PSMA1: variants seen among roughly 807,000 people sequenced by gnomAD.
The protein encoded by PSMA1 is proteasome subunit alpha type-1.
In PSMA1, 3 loss-of-function variants were observed where a neutral mutation model predicts 38.4. That is an observed-to-expected ratio of 0.08 (90% confidence interval 0.04 to 0.20). The LOEUF (loss-of-function observed/expected upper bound fraction) is 0.20. PSMA1 is among the 10% of genes least tolerant of loss of function. PSMA1 has a pLI of 1.00. For synonymous variants in PSMA1, 101 were observed against 107.1 expected (o/e 0.94, Z 0.35); for missense variants, 227 against 325.3 (o/e 0.70, Z 2.32).
chr11:14,580,027 CAAATCCA>C (rs1207892156), intron 2 of PSMA1, among the ~76,000 whole-genome samples: 5 of 152,142 alleles, frequency 3.3e-5, no homozygotes, highest in African/African-American at 4.8e-5. Context: ...TGAAGAACCT[CAAATCCA>C]AAGAGCAGGG....
At chr11:14,557,807 G>A (rs993117057) in intron 2 of PSMA1, among the ~76,000 whole-genome samples, 2 of 152,126 alleles carry the variant, frequency 1.3e-5, no homozygotes, top group African/African-American at 4.8e-5. Flanking sequence ...AGTATGTTGG[G>A]AAGAAGATCT....
chr11:14,585,212 GC>G (rs1820036149), intron 2 of PSMA1, among the ~76,000 whole-genome samples: 1 of 151,892 alleles, frequency 6.6e-6, no homozygotes, highest in Non-Finnish European at 1.5e-5. Context: ...TTCCTTTTCT[GC>G]TGACCCAGGA....
At chr11:14,592,297 C>T (rs1012142639) in intron 2 of PSMA1, among the ~76,000 whole-genome samples, 4 of 152,096 alleles carry the variant, frequency 2.6e-5, no homozygotes, top group African/African-American at 9.7e-5. Flanking sequence ...CTCGCTCCTC[C>T]TCGTCCCTTC....
intron 2 of PSMA1, among the ~76,000 whole-genome samples, chr11:14,536,257 T>C (rs1390401873): frequency 6.6e-6 from 1 of 152,172 alleles, no homozygotes. Flanking sequence ...CCGCGCGAGG[T>C]GGCTCACGCC....
chr11:14,636,925 G>C (rs1392248339), intron 1 of PSMA1, among the ~76,000 whole-genome samples: 2 of 152,090 alleles, frequency 1.3e-5, no homozygotes, highest in African/African-American at 4.8e-5. Context: ...CAATTATAAT[G>C]GTTTCTTAAA....
At chr11:14,611,198 C>T in intron 1 of PSMA1, 3 of 508,708 alleles carry the variant, frequency 5.9e-6, no homozygotes, top group Non-Finnish European at 1.0e-5. Context: ...TATATTAGAT[C>T]TTCATCAGAC....
chr11:14,643,259 G>T (rs1302783752), intron 1 of PSMA1, among the ~76,000 whole-genome samples: 1 of 151,922 alleles, frequency 6.6e-6, no homozygotes, highest in African/African-American at 2.4e-5. Flanking sequence ...CCATGGCCTT[G>T]GTGGTGGCTG....
intron 1 of PSMA1, among the ~76,000 whole-genome samples, chr11:14,632,535 C>T (rs1427050837): frequency 6.7e-5 from 10 of 149,670 alleles, no homozygotes; most frequent in African/African-American, 1.5e-4. Context: ...CCGAGAGATC[C>T]GCTGTTAGTC....
intron 1 of PSMA1, among the ~76,000 whole-genome samples, chr11:14,625,928 A>C (rs1000546350): frequency 4.6e-5 from 7 of 152,206 alleles, no homozygotes; most frequent in African/African-American, 1.7e-4. Context: ...TAACGATAAA[A>C]TGGTAGGGTA....
At chr11:14,632,576 C>T (rs1325369358) in intron 1 of PSMA1, among the ~76,000 whole-genome samples, 1 of 151,398 alleles carries the variant, frequency 6.6e-6, no homozygotes, top group Non-Finnish European at 1.5e-5. Flanking sequence ...GTAACCCGAC[C>T]TTTCTCTTTG....
At chr11:14,510,701 A>T (rs1851328739) in intron 8 of PSMA1, among the ~76,000 whole-genome samples, 171 bp downstream of exon 8, 2 of 152,246 alleles carry the variant, frequency 1.3e-5, no homozygotes, top group Non-Finnish European at 2.9e-5. Context: ...ACCAAAAAGA[A>T]ATGTTTAAAA....
At chr11:14,513,513 CTA>C in intron 7 of PSMA1, 55 bp downstream of exon 7, 1 of 1,307,996 alleles carries the variant, frequency 7.6e-7, no homozygotes, top group Non-Finnish European at 9.8e-7. Context: ...TGTTTATTTA[CTA>C]TATAGACTGG....
intron 2 of PSMA1, among the ~76,000 whole-genome samples, chr11:14,531,008 T>G (rs570764390): frequency 6.6e-6 from 1 of 152,276 alleles, no homozygotes; most frequent in African/African-American, 2.4e-5. Context: ...TAAAACTCTA[T>G]GTTTCTAGTA....
intron 1 of PSMA1, among the ~76,000 whole-genome samples, chr11:14,619,773 T>G (rs1287290988): frequency 1.3e-5 from 2 of 152,186 alleles, no homozygotes; most frequent in Non-Finnish European, 2.9e-5. Flanking sequence ...ACTGGATTAC[T>G]CAGACCTTGT....
At chr11:14,521,467 G>A (rs1248945909), upstream of PSMA1, among the ~76,000 whole-genome samples, 1 of 148,796 alleles carries the variant, frequency 6.7e-6, no homozygotes, top group African/African-American at 2.5e-5. Flanking sequence ...ACTCCAGCCC[G>A]CCTGGGCAAT....
intron 8 of PSMA1, 21 bp from the exon 9 acceptor site, chr11:14,507,787 A>G (rs1411904945): frequency 2.1e-6 from 3 of 1,436,544 alleles, no homozygotes; most frequent in Admixed American, 1.9e-5. Flanking sequence ...AAATATGGTA[A>G]AAGTAAAATA....
At chr11:14,516,728 C>A (rs980251364) in intron 4 of PSMA1, among the ~76,000 whole-genome samples, 4 of 152,158 alleles carry the variant, frequency 2.6e-5, no homozygotes, top group Non-Finnish European at 5.9e-5. Flanking sequence ...GAGTTCAAGA[C>A]TAGCCTGGCC....
At chr11:14,517,616 T>G in intron 4 of PSMA1, 26 bp downstream of exon 4, 1 of 1,454,028 alleles carries the variant, frequency 6.9e-7, no homozygotes, top group Non-Finnish European at 9.3e-7. Flanking sequence ...ACAAAAAGGA[T>G]GTTTATTTTT....
chr11:14,558,931 A>G (rs1017019651), intron 2 of PSMA1, among the ~76,000 whole-genome samples: 8 of 152,202 alleles, frequency 5.3e-5, no homozygotes, highest in Non-Finnish European at 1.0e-4. Context: ...CTCTCCATCC[A>G]AGGGCATGAG....
Sources: gnomAD v4.1 joint callset for allele counts (sites outside exome capture counted in the v4.1 genomes callset) on GRCh38, gnomAD v4.1.1 for gene constraint, MANE v1.5 for transcripts, NCBI Gene and HGNC (gene_info 2026-07-23, HGNC 2026-07-21) for gene names.